Variants in CRHBP observed in about 807,000 individuals in gnomAD.
The protein encoded by CRHBP is corticotropin releasing hormone binding protein.
Under a neutral mutation model 34.9 loss-of-function variants are expected in CRHBP, and 19 were observed. The observed-to-expected ratio is 0.55, with a 90% CI of 0.38 to 0.80. CRHBP has a LOEUF of 0.80. Ranked by LOEUF, CRHBP falls within the 30% of genes least tolerant of loss-of-function variation. The pLI is 0.00. For synonymous variants in CRHBP, 154 were observed against 153.4 expected (o/e 1.00, Z -0.03); for missense variants, 328 against 409.2 (o/e 0.80, Z 1.71).
intron 6 of CRHBP, among the ~76,000 whole-genome samples, chr5:76,964,333 C>T (rs934784302): frequency 1.3e-5 from 2 of 152,214 alleles, no homozygotes; most frequent in Non-Finnish European, 2.9e-5. Flanking sequence ...TAGCCTCCTT[C>T]CTCTCCTGTC....
intron 4 of CRHBP, among the ~76,000 whole-genome samples, chr5:76,957,985 CCT>C (rs1745715041): frequency 6.6e-6 from 1 of 151,488 alleles, no homozygotes; most frequent in Admixed American, 6.6e-5. Flanking sequence ...GTGGTGAAAC[CCT>C]GTCTCTACTA....
chr5:76,966,915 A>G (rs988103178), intron 6 of CRHBP, among the ~76,000 whole-genome samples: 3 of 152,238 alleles, frequency 2.0e-5, no homozygotes, highest in Non-Finnish European at 2.9e-5. Context: ...CCAGAGTAAG[A>G]TCAGAAAAAG....
At chr5:76,977,047 C>T (rs1746044467) in intron 3 of CRHBP, among the ~76,000 whole-genome samples, 1 of 152,150 alleles carries the variant, frequency 6.6e-6, no homozygotes, top group African/African-American at 2.4e-5. Context: ...CTATCCTGGC[C>T]TTTCCAATGA....
At chr5:76,971,865 G>A (rs887702669), downstream of CRHBP, among the ~76,000 whole-genome samples, 1 of 152,174 alleles carries the variant, frequency 6.6e-6, no homozygotes, top group African/African-American at 2.4e-5. Context: ...GTCTGGCCCT[G>A]TTTTTATCTC....
At chr5:76,961,043 A>G (rs1745769064) in intron 5 of CRHBP, among the ~76,000 whole-genome samples, 1 of 152,176 alleles carries the variant, frequency 6.6e-6, no homozygotes, top group African/African-American at 2.4e-5. Context: ...CTGGGATTAC[A>G]AACATGAGCC....
chr5:76,976,329 T>C (rs962635126), intron 2 of CRHBP: 2 of 152,170 alleles, frequency 1.3e-5, no homozygotes, highest in Non-Finnish European at 2.9e-5. Context: ...GCTATAGACT[T>C]GGGAGTGTTA....
chr5:76,958,767 A>C lies in CRHBP; in HGVS notation c.571A>C (p.Asn191His), dbSNP rs529210191. The C allele has an allele frequency of 1.9e-6, 3 of 1,611,860 alleles. No homozygotes were observed. The highest frequency in any genetic ancestry group is 1.7e-5 in the Admixed American group (1 of 59,406). Residue 191 changes from asparagine to histidine, a missense_variant, in exon 5 of 7, where the codon AAT becomes CAT. This residue lies in a region of CRHBP where 144 missense variants were observed against 216.7 expected (regional missense o/e 0.66). Coordinates refer to ENST00000274368, the MANE Select transcript of CRHBP (RefSeq NM_001882.4). ...TTGCAATGTCATTTCTCAGACTCCA[A>C]ATGGAAAGTTTACCCTGGTAGTTCC... ...FPCNVISQTP[N>H]GKFTLVVPHQ...
At chr5:76,972,513 A>G (rs1435071333), downstream of CRHBP, among the ~76,000 whole-genome samples, 1 of 151,984 alleles carries the variant, frequency 6.6e-6, no homozygotes, top group South Asian at 2.1e-4. Flanking sequence ...AAAAAAATTT[A>G]TAGAGACAGG....
chr5:76,955,877 G>C lies in CRHBP; in HGVS notation c.544+14G>C. Reference sequence around the variant, plus strand: ...CCAACCTCTTTCGTAAGTGTTCTCAGTCAAAAGGCAGAACTTCGGATATAG... The same window carrying C: ...CCAACCTCTTTCGTAAGTGTTCTCACTCAAAAGGCAGAACTTCGGATATAG... On this transcript the variant is annotated intron_variant, in intron 4 of 6. Transcript: ENST00000274368. 6.2e-7 allele frequency: 1 copy of C among 1,610,864 alleles called. No individual in the cohort carries two copies. The highest frequency in any genetic ancestry group is 1.3e-5 in the African/African-American group (1 of 74,988).
At chr5:76,953,930 A>G (rs1385972756) in intron 2 of CRHBP, 99 bp from the exon 3 acceptor site, 4 of 1,432,390 alleles carry the variant, frequency 2.8e-6, no homozygotes, top group South Asian at 2.7e-5. Flanking sequence ...GCTGGGCACT[A>G]CAGAGCCCGG....
chr5:76,953,385 C>T, intron 1 of CRHBP, 170 bp downstream of exon 1: 1 of 818,570 alleles, frequency 1.2e-6, no homozygotes, highest in Non-Finnish European at 2.0e-6. Context: ...TGCCTCTGAG[C>T]ATCCCAGACT....
chr5:76,979,121 A>T (rs771489607), intron 3 of CRHBP, among the ~76,000 whole-genome samples: 17 of 152,114 alleles, frequency 1.1e-4, no homozygotes, highest in Admixed American at 2.6e-4. Context: ...GACCTTTAGC[A>T]TTTTTTAGCA....
At chr5:76,956,460 C>T (rs529371375) in intron 4 of CRHBP, among the ~76,000 whole-genome samples, 1 of 152,308 alleles carries the variant, frequency 6.6e-6, no homozygotes, top group Admixed American at 6.5e-5. Context: ...AATATTTACT[C>T]CGCGGTGGCT....
chr5:76,963,423 G>C lies in CRHBP; in HGVS notation c.774G>C (p.Thr258=). 3 of 1,614,044 alleles carry C rather than the reference G, an allele frequency of 1.9e-6. No homozygotes were observed. The highest frequency in any genetic ancestry group is 1.7e-6 in the Non-Finnish European group (2 of 1,179,990). The change falls in exon 6 of 7, where the codon ACG becomes ACC. Residue 258 remains threonine (T), a synonymous_variant. Coordinates refer to ENST00000274368, the MANE Select transcript of CRHBP (RefSeq NM_001882.4). The part of the protein sequence containing the change: ...GGTGLDPSKM[T]PLADLCYPFH... The stretch of plus-strand genomic sequence containing the variant: ...CTGGATTGGACCCTTCCAAGATGAC[G>C]CCTTTAGCTGATCTCTGCTACCCCT...
downstream of CRHBP, among the ~76,000 whole-genome samples, chr5:76,970,303 A>G (rs1745927105): frequency 6.6e-6 from 1 of 152,146 alleles, no homozygotes; most frequent in Non-Finnish European, 1.5e-5. Context: ...GCTTCAAACT[A>G]TGCCATAATT....
chr5:76,967,630 G>A (rs139642371), intron 6 of CRHBP, among the ~76,000 whole-genome samples: 43 of 151,778 alleles, frequency 2.8e-4, no homozygotes, highest in African/African-American at 9.9e-4. Flanking sequence ...AGTAATATGA[G>A]TTTCAATATA....
intron 5 of CRHBP, chr5:76,963,131 A>G: frequency 1.9e-6 from 1 of 519,444 alleles, no homozygotes; most frequent in Non-Finnish European, 3.4e-6. Flanking sequence ...TTTCTAAAAA[A>G]AATGATTACT....
Position 76,953,219 on chromosome 5 carries a change from A to G in CRHBP, c.81+4A>G, listed in dbSNP as rs1745597546. 6.2e-7 allele frequency: 1 copy of G among 1,613,390 alleles called. No individual in the cohort carries two copies. The highest frequency in any genetic ancestry group is 1.3e-5 in the African/African-American group (1 of 74,916). On this transcript the variant is annotated splice_donor_region_variant and intron_variant, in intron 1 of 6. Coordinates refer to ENST00000274368, the MANE Select transcript of CRHBP (RefSeq NM_001882.4). ...AGGGGAAAGCCGGTACCTAGAGGTG[A>G]GCCACCCCTGGACTGACCCATCTCA... is the stretch of plus-strand genomic sequence containing the variant.
At chr5:76,963,502 T>C in intron 6 of CRHBP, 42 bp downstream of exon 6, 1 of 1,521,914 alleles carries the variant, frequency 6.6e-7, no homozygotes, top group Non-Finnish European at 9.0e-7. Flanking sequence ...CCTATCAAGA[T>C]TAAAAAAAAA....
Sources: gnomAD v4.1 joint callset for allele counts (sites outside exome capture counted in the v4.1 genomes callset) on GRCh38, gnomAD v4.1.1 for gene constraint, gnomAD v4.1.1 regional missense constraint, MANE v1.5 for transcripts, NCBI Gene and HGNC (gene_info 2026-07-23, HGNC 2026-07-21) for gene names.